The following TPD52L1 variants were observed in gnomAD, a reference collection of about 807,000 sequenced individuals.
TPD52L1 encodes the protein TPD52 like 1.
TPD52L1 carries 18 observed loss-of-function variants against 28.7 expected under a neutral mutation model. The observed-to-expected ratio is 0.63, with a 90% CI of 0.43 to 0.93. The LOEUF (loss-of-function observed/expected upper bound fraction) is 0.93, where lower values mean the gene tolerates loss of function less well. Among genes scored for constraint, TPD52L1 ranks in the 40% least tolerant of loss-of-function variants. TPD52L1 has a pLI of 0.00. For missense variants in TPD52L1, 203 were observed against 254.8 expected, an observed-to-expected ratio of 0.80 and a Z score of 1.39; for synonymous variants, 75 against 88.8, an observed-to-expected ratio of 0.84 and a Z score of 0.88.
intron 1 of TPD52L1, chr6:125,154,281 G>C: frequency 8.3e-7 from 1 of 1,199,930 alleles, no homozygotes; most frequent in East Asian, 3.8e-5. Flanking sequence ...GCGGCTGCCC[G>C]AAGGACCTGT....
At chr6:125,256,136 G>A (rs953265141) in intron 5 of TPD52L1, among the ~76,000 whole-genome samples, 10 of 152,104 alleles carry the variant, frequency 6.6e-5, no homozygotes, top group South Asian at 4.1e-4. Context: ...ACCACCTGAG[G>A]TCAGAATTCG....
chr6:125,214,148 T>A (rs1482201930), intron 1 of TPD52L1, among the ~76,000 whole-genome samples: 1 of 152,146 alleles, frequency 6.6e-6, no homozygotes, highest in African/African-American at 2.4e-5. Context: ...AGACATTTGC[T>A]AACCACTCGC....
rs1798156301 is a variant in TPD52L1, at chr6:125,263,170, T to C, written c.*208T>C. 5.2e-6 allele frequency: 3 copies of C among 577,258 alleles called. No individual in the cohort carries two copies. Among genetic ancestry groups the C allele is most frequent in the Admixed American group, 3.6e-5 (1 of 28,088 alleles). The allele number at this position is 577,258 out of a possible 1,614,324, so 35.8% of individuals were successfully genotyped here. A position where few individuals can be genotyped will look rare whatever the true frequency, so the allele number is the denominator to read the frequency against. On this transcript the variant is annotated 3_prime_UTR_variant, in exon 7 of 7. Coordinates refer to ENST00000534000, the MANE Select transcript of TPD52L1 (RefSeq NM_003287.4). ...CTTGACCATCACATTTCAGTATTCA[T>C]AGATGACTGTCACATTTTAAAATGT...
chr6:125,163,454 T>C (rs1210130650), intron 1 of TPD52L1, among the ~76,000 whole-genome samples: 1 of 151,832 alleles, frequency 6.6e-6, no homozygotes, highest in Non-Finnish European at 1.5e-5. Context: ...TGGTGATGCA[T>C]GCATGTATTC....
chr6:125,164,669 A>G (rs953006324), intron 1 of TPD52L1, among the ~76,000 whole-genome samples: 9 of 152,136 alleles, frequency 5.9e-5, no homozygotes, highest in African/African-American at 1.7e-4. Flanking sequence ...TTACACGAAT[A>G]TGTTTTATTC....
chr6:125,256,960 G>A (rs185446809), intron 5 of TPD52L1, 138 bp from the exon 6 acceptor site: 295 of 623,250 alleles, frequency 4.7e-4, no homozygotes, highest in African/African-American at 4.4e-3. Flanking sequence ...ATTTTAAAAC[G>A]TGGTTGGTGC....
chr6:125,234,403 C>A (rs979742943), intron 3 of TPD52L1: 1 of 152,182 alleles, frequency 6.6e-6, no homozygotes, highest in Admixed American at 6.6e-5. Context: ...CTCCTGATTC[C>A]GCTCCTGTAG....
chr6:125,219,493 C>G (rs1795087989), intron 1 of TPD52L1, among the ~76,000 whole-genome samples: 2 of 152,250 alleles, frequency 1.3e-5, no homozygotes, highest in Middle Eastern at 3.4e-3. Context: ...TGTGGACGAC[C>G]CAGGTGGTGT....
chr6:125,158,375 C>T (rs577913559), intron 1 of TPD52L1, among the ~76,000 whole-genome samples: 26 of 151,084 alleles, frequency 1.7e-4, no homozygotes, highest in Non-Finnish European at 2.9e-4. Context: ...TTACATTATA[C>T]TTTATACTTA....
At chr6:125,183,736 GA>G (rs142995215) in intron 1 of TPD52L1, among the ~76,000 whole-genome samples, 9,099 of 152,206 alleles carry the variant, frequency 0.06, 347 homozygotes, top group Middle Eastern at 0.095. Flanking sequence ...AAAACAATAA[GA>G]AAGAGATCAA....
intron 1 of TPD52L1, among the ~76,000 whole-genome samples, chr6:125,173,857 A>G (rs538001581): frequency 1.8e-4 from 28 of 152,320 alleles, no homozygotes; most frequent in African/African-American, 6.5e-4. Context: ...AATTTCTCCA[A>G]TCTGAGATGA....
chr6:125,217,043 A>T (rs1452232518), intron 1 of TPD52L1, among the ~76,000 whole-genome samples: 1 of 152,220 alleles, frequency 6.6e-6, no homozygotes, highest in African/African-American at 2.4e-5. Flanking sequence ...TTAAATAATT[A>T]TAAGTACACA....
chr6:125,172,460 TTGTG>T (rs1211284945), intron 1 of TPD52L1, among the ~76,000 whole-genome samples: 3 of 114,382 alleles, frequency 2.6e-5, no homozygotes, highest in Admixed American at 9.7e-5. Context: ...GCCTGGATTT[TTGTG>T]TGTGTGTGTG....
At chr6:125,155,857 C>T (rs1790084820) in intron 1 of TPD52L1, among the ~76,000 whole-genome samples, 1 of 152,164 alleles carries the variant, frequency 6.6e-6, no homozygotes. Flanking sequence ...TTCTCATTCC[C>T]ATTCTACAGA....
intron 4 of TPD52L1, chr6:125,252,103 T>C: frequency 6.6e-7 from 1 of 1,516,930 alleles, no homozygotes; most frequent in Non-Finnish European, 8.9e-7. Context: ...TTTCCAGGGC[T>C]CCCTGTTTCT....
chr6:125,164,745 G>T (rs913345889), intron 1 of TPD52L1, among the ~76,000 whole-genome samples: 4 of 150,260 alleles, frequency 2.7e-5, no homozygotes, highest in Admixed American at 6.6e-5. Context: ...TAAAACTGTT[G>T]AAAAAAATGA....
intron 1 of TPD52L1, among the ~76,000 whole-genome samples, chr6:125,210,776 A>C (rs1176355364): frequency 6.6e-6 from 1 of 152,214 alleles, no homozygotes; most frequent in Non-Finnish European, 1.5e-5. Flanking sequence ...ACACTGTGTT[A>C]GGCATTTTAC....
intron 3 of TPD52L1, among the ~76,000 whole-genome samples, chr6:125,245,577 G>A (rs898817098): frequency 1.3e-5 from 2 of 152,162 alleles, no homozygotes; most frequent in South Asian, 2.1e-4. Flanking sequence ...CCTTGGGTAG[G>A]GCTTGCTGCA....
chr6:125,188,605 C>T (rs1381399217), intron 1 of TPD52L1, among the ~76,000 whole-genome samples: 2 of 152,082 alleles, frequency 1.3e-5, no homozygotes, highest in Non-Finnish European at 2.9e-5. Context: ...TGAAATGTTA[C>T]TTGTTCTTAT....
Sources: gnomAD v4.1 joint callset for allele counts (sites outside exome capture counted in the v4.1 genomes callset) on GRCh38, gnomAD v4.1.1 for gene constraint, MANE v1.5 for transcripts, NCBI Gene and HGNC (gene_info 2026-07-23, HGNC 2026-07-21) for gene names.